The following SKAP1 variants were observed in gnomAD, a reference collection of about 807,000 sequenced individuals.
SKAP1 encodes the protein src kinase-associated phosphoprotein 1.
SKAP1 carries 44 observed loss-of-function variants against 58.5 expected under a neutral mutation model. The observed-to-expected ratio is 0.75, with a 90% CI of 0.59 to 0.97. The LOEUF (loss-of-function observed/expected upper bound fraction) is 0.97. SKAP1 is among the 50% of genes least tolerant of loss of function. The probability of loss-of-function intolerance (pLI) is 0.00; values close to 1 mark genes in which losing one functional copy is unlikely to be tolerated. For missense variants in SKAP1, 390 were observed against 435.2 expected, an observed-to-expected ratio of 0.90 and a Z score of 0.92; for synonymous variants, 127 against 149.7, an observed-to-expected ratio of 0.85 and a Z score of 1.11.
chr17:48,274,633 T>C (rs778427007), intron 4 of SKAP1, among the ~76,000 whole-genome samples: 13 of 151,892 alleles, frequency 8.6e-5, no homozygotes, highest in Non-Finnish European at 1.6e-4. Context: ...GAGGTGGAGG[T>C]TGCGGTGAGC....
At chr17:48,274,709 T>A (rs200560151) in intron 4 of SKAP1, among the ~76,000 whole-genome samples, 141 of 115,150 alleles carry the variant, frequency 1.2e-3, no homozygotes, top group Admixed American at 5.6e-3. Context: ...AAAAAAAAAA[T>A]TTTTTTTTCT....
intron 4 of SKAP1, among the ~76,000 whole-genome samples, chr17:48,263,160 T>G (rs771995189): frequency 3.9e-5 from 6 of 152,230 alleles, no homozygotes; most frequent in Non-Finnish European, 4.4e-5. Context: ...GATTCTTCAG[T>G]AAACAAAGTG....
intron 4 of SKAP1, among the ~76,000 whole-genome samples, chr17:48,227,250 T>C (rs1454137463): frequency 6.6e-6 from 1 of 152,210 alleles, no homozygotes; most frequent in African/African-American, 2.4e-5. Context: ...TTTCCTAAAC[T>C]GCCCCTGTTT....
intron 1 of SKAP1, among the ~76,000 whole-genome samples, chr17:48,421,817 C>T (rs539949598): frequency 3.0e-4 from 46 of 152,236 alleles, no homozygotes; most frequent in African/African-American, 9.9e-4. Context: ...GGCTAGGTGA[C>T]AACAAAAGCA....
Position 48,224,803 on chromosome 17 carries a change from G to T in SKAP1, c.281-35303C>A, listed in dbSNP as rs918577702. 5.3e-5 allele frequency among the ~76,000 whole-genome samples: 8 copies of T among 152,258 alleles called. No homozygotes were observed. In the South Asian group the frequency reaches 1.0e-3, roughly 20 times the overall value. ...AAAAGCCATACTTAGTGGCCTTTTG[G>T]GGGAGGGGAGATGGGTGTGCTTCTG... On this transcript the variant is annotated intron_variant, in intron 4 of 12. Coordinates refer to ENST00000336915, the MANE Select transcript of SKAP1 (RefSeq NM_003726.4).
intron 11 of SKAP1, among the ~76,000 whole-genome samples, chr17:48,143,757 T>C (rs1217388629): frequency 6.6e-6 from 1 of 152,178 alleles, no homozygotes; most frequent in African/African-American, 2.4e-5. Context: ...ATGTGTGAAA[T>C]GTGGTCTTCC....
At chr17:48,381,433 C>G (rs1009668134) in intron 2 of SKAP1, among the ~76,000 whole-genome samples, 11 of 152,196 alleles carry the variant, frequency 7.2e-5, no homozygotes, top group African/African-American at 2.7e-4. Context: ...ATGTGTCTTA[C>G]CAAAAACCTA....
At chr17:48,201,314 T>C (rs1415726687) in intron 4 of SKAP1, among the ~76,000 whole-genome samples, 1 of 151,430 alleles carries the variant, frequency 6.6e-6, no homozygotes, top group African/African-American at 2.4e-5. Context: ...CGTTCCTTCC[T>C]TCCTTCCTTC....
In SKAP1 at chr17:48,182,420, A is replaced by G; in HGVS notation, c.605T>C (p.Val202Ala). 1.2e-6 allele frequency: 2 copies of G among 1,610,130 alleles called. No individual in the cohort carries two copies. The highest frequency in any genetic ancestry group is 1.7e-6 in the Non-Finnish European group (2 of 1,177,806). Residue 202 changes from valine (V) to alanine (A), a missense_variant, in exon 8 of 13, where the codon GTG becomes GCG. Physicochemically the swap from Val to Ala is moderately conservative, Grantham distance 64. Transcript: ENST00000336915. ...CTTTAACAAGAAACTTATTTGATCC[A>G]CCCAGTCTCTGGCTTCTGCTGGACT... ...ATSPAEARDW[V>A]DQISFLLKDL...
rs573163169 is a variant in SKAP1 at position 48,375,734 on chromosome 17, C to G, written c.153-11920G>C. 1.2e-3 allele frequency among the ~76,000 whole-genome samples: 180 copies of G among 152,268 alleles called. 1 individual carries two copies. Among genetic ancestry groups the G allele is most frequent in the Non-Finnish European group, 1.9e-3 (126 of 68,026 alleles). On this transcript the variant is annotated intron_variant, in intron 2 of 12. Transcript: ENST00000336915. ...ATGGCAAAATAAAAACACTAAACAA[C>G]AGGTCAGAGTTGGAGGGTTTTTTTC...
intron 4 of SKAP1, among the ~76,000 whole-genome samples, chr17:48,305,567 G>T (rs1287643195): frequency 6.6e-6 from 1 of 152,212 alleles, no homozygotes; most frequent in Non-Finnish European, 1.5e-5. Flanking sequence ...TTAGCTGGGA[G>T]TGATGCTGGA....
chr17:48,277,112 T>G (rs1163648101), intron 4 of SKAP1, among the ~76,000 whole-genome samples: 1 of 152,248 alleles, frequency 6.6e-6, no homozygotes, highest in Non-Finnish European at 1.5e-5. Flanking sequence ...AATACTTCTT[T>G]TATATTACAG....
At chr17:48,268,623 T>C (rs12943082) in intron 4 of SKAP1, among the ~76,000 whole-genome samples, 30,859 of 151,814 alleles carry the variant, frequency 0.2, 3,168 homozygotes, top group Admixed American at 0.22. Context: ...TCCAGAGTAG[T>C]TGGGATTACA....
intron 3 of SKAP1, 69 bp downstream of exon 3, chr17:48,363,720 G>T: frequency 7.5e-7 from 1 of 1,326,110 alleles, no homozygotes; most frequent in Non-Finnish European, 1.1e-6. Context: ...TTGTAGAGAA[G>T]AGACAGGAAT....
chr17:48,211,467 G>A lies in SKAP1; in HGVS notation c.281-21967C>T, dbSNP rs866296412. ...TAAATTGTTTCAGCCAACTCTCAAC[G>A]GAGGGACAACCAGGACAAAACATCT... On this transcript the variant is annotated intron_variant, in intron 4 of 12. Coordinates refer to ENST00000336915, the MANE Select transcript of SKAP1 (RefSeq NM_003726.4). 2.0e-5 allele frequency among the ~76,000 whole-genome samples: 3 copies of A among 152,126 alleles called. No homozygotes were observed. The South Asian group carries it at 6.2e-4, about 32-fold the overall frequency.
chr17:48,338,525 C>T (rs77258035), intron 4 of SKAP1, among the ~76,000 whole-genome samples: 3,714 of 152,210 alleles, frequency 0.024, 63 homozygotes, highest in Middle Eastern at 0.037. Flanking sequence ...AACTCTCTTC[C>T]AGCTCTTAAA....
In SKAP1 at chr17:48,225,989, C is replaced by T. The variant is rs549078774; in HGVS notation, c.281-36489G>A. On this transcript the variant is annotated intron_variant, in intron 4 of 12. Transcript: ENST00000336915. ...TCACTTGGGGAGACCCTTAACAAGG[C>T]GGTTAGTACAACAGCTGCTGCTGGT... is the stretch of plus-strand genomic sequence containing the variant. 9.7e-4 allele frequency among the ~76,000 whole-genome samples: 148 copies of T among 152,294 alleles called. 2 individuals carry two copies. Among genetic ancestry groups the T allele is most frequent in the South Asian group, 3.3e-3 (16 of 4,826 alleles).
intron 4 of SKAP1, among the ~76,000 whole-genome samples, chr17:48,205,029 TTCTTTCTTTC>T (rs1567820016): frequency 5.1e-5 from 2 of 38,942 alleles, no homozygotes; most frequent in African/African-American, 7.1e-5. Flanking sequence ...CTTTCTTTCT[TTCTTTCTTTC>T]TCTCTCTCTC....
chr17:48,408,232 A>G (rs1000470877), intron 1 of SKAP1, among the ~76,000 whole-genome samples: 6 of 152,188 alleles, frequency 3.9e-5, no homozygotes, highest in Admixed American at 3.3e-4. Flanking sequence ...GAAAATCTCA[A>G]TGAAAAGTTG....
Sources: gnomAD v4.1 joint callset for allele counts (sites outside exome capture counted in the v4.1 genomes callset) on GRCh38, gnomAD v4.1.1 for gene constraint, MANE v1.5 for transcripts, NCBI Gene and HGNC (gene_info 2026-07-23, HGNC 2026-07-21) for gene names.